The following MALRD1 variants were observed in gnomAD, a reference collection of about 807,000 sequenced individuals.
MALRD1 encodes MAM and LDL-receptor class A domain-containing protein 1.
In MALRD1, 247 loss-of-function variants were observed where a neutral mutation model predicts 242.1. That is an observed-to-expected ratio of 1.02 (90% CI 0.92 to 1.13). The LOEUF is 1.13. MALRD1 is among the 50% of genes most tolerant of loss of function. MALRD1 has a pLI of 0.00. For missense variants in MALRD1, 2,989 were observed against 2,533.1 expected, an observed-to-expected ratio of 1.18 and a Z score of -3.86; for synonymous variants, 995 against 866.6, an observed-to-expected ratio of 1.15 and a Z score of -2.60.
chr10:19,611,647 A>G (rs1410020443), intron 35 of MALRD1, among the ~76,000 whole-genome samples: 5 of 152,024 alleles, frequency 3.3e-5, no homozygotes, highest in Non-Finnish European at 5.9e-5. Context: ...TGGGAATTAT[A>G]TCTACTTATC....
intron 33 of MALRD1, among the ~76,000 whole-genome samples, chr10:19,570,502 T>A (rs1366697258): frequency 1.3e-5 from 2 of 152,080 alleles, no homozygotes; most frequent in Non-Finnish European, 2.9e-5. Context: ...TTTAGCACTA[T>A]TACTAATATC....
chr10:19,595,596 T>G, intron 34 of MALRD1, 139 bp downstream of exon 34: 1 of 1,064,016 alleles, frequency 9.4e-7, no homozygotes, highest in Admixed American at 2.9e-5. Context: ...CAGTGTTATG[T>G]TGCAAAACAA....
At chr10:19,585,271 A>G (rs1306093056) in intron 33 of MALRD1, among the ~76,000 whole-genome samples, 2 of 150,852 alleles carry the variant, frequency 1.3e-5, no homozygotes, top group East Asian at 3.9e-4. Flanking sequence ...TGTCATTATG[A>G]TGTTAGCTGG....
intron 24 of MALRD1, among the ~76,000 whole-genome samples, chr10:19,332,127 G>A (rs1016581150): frequency 6.6e-6 from 1 of 151,216 alleles, no homozygotes; most frequent in Non-Finnish European, 1.5e-5. Flanking sequence ...GCTGCCCAGA[G>A]TGCTGGGATT....
At chr10:19,652,161 C>T (rs7070398) in intron 36 of MALRD1, among the ~76,000 whole-genome samples, 16,771 of 152,146 alleles carry the variant, frequency 0.11, 2,380 homozygotes, top group African/African-American at 0.33. Context: ...GCCTGTGTCA[C>T]GTGCCAACAC....
At chr10:19,715,145 A>G (rs1270270924) in intron 38 of MALRD1, among the ~76,000 whole-genome samples, 1 of 152,072 alleles carries the variant, frequency 6.6e-6, no homozygotes, top group Non-Finnish European at 1.5e-5. Context: ...TTGCTACGAA[A>G]TTTATTGCTC....
At chr10:19,142,314 C>A (rs1325055230) in intron 10 of MALRD1, among the ~76,000 whole-genome samples, 4 of 151,486 alleles carry the variant, frequency 2.6e-5, no homozygotes, top group Non-Finnish European at 5.9e-5. Context: ...TAATGTAATC[C>A]TGTTAAAATC....
intron 1 of MALRD1, among the ~76,000 whole-genome samples, chr10:19,055,733 C>T (rs1834644055): frequency 6.6e-6 from 1 of 152,086 alleles, no homozygotes; most frequent in South Asian, 2.1e-4. Flanking sequence ...GGTTGATAGA[C>T]ACTTAATACA....
chr10:19,240,526 A>T (rs1838716231), intron 18 of MALRD1, among the ~76,000 whole-genome samples: 1 of 151,690 alleles, frequency 6.6e-6, no homozygotes, highest in Admixed American at 6.6e-5. Context: ...AAACAATCTG[A>T]CCTCCTTCTT....
intron 7 of MALRD1, among the ~76,000 whole-genome samples, chr10:19,125,648 T>G (rs1314080496): frequency 6.6e-6 from 1 of 151,700 alleles, no homozygotes; most frequent in Non-Finnish European, 1.5e-5. Context: ...TATTCTTAAT[T>G]TTTAGGGTAT....
chr10:19,096,578 G>C (rs1161166222), intron 4 of MALRD1, among the ~76,000 whole-genome samples: 1 of 152,064 alleles, frequency 6.6e-6, no homozygotes, highest in Non-Finnish European at 1.5e-5. Context: ...GCTTTTGTTT[G>C]GTGGGCCACA....
chr10:19,167,996 C>T (rs539392932), intron 13 of MALRD1, among the ~76,000 whole-genome samples: 21 of 152,192 alleles, frequency 1.4e-4, no homozygotes, highest in South Asian at 4.1e-4. Flanking sequence ...CACAGAATTC[C>T]GCTGTTTTTA....
intron 14 of MALRD1, among the ~76,000 whole-genome samples, chr10:19,198,605 C>T (rs1276602771): frequency 6.6e-6 from 1 of 152,136 alleles, no homozygotes; most frequent in African/African-American, 2.4e-5. Context: ...CAGTTAACGG[C>T]CCTGCTCATA....
chr10:19,627,449 A>T (rs1039587578), intron 36 of MALRD1, among the ~76,000 whole-genome samples: 2 of 152,022 alleles, frequency 1.3e-5, no homozygotes, highest in African/African-American at 4.8e-5. Context: ...CAAAAAAACA[A>T]TAACAGGGCC....
Position 19,607,814 on chromosome 10 carries a change from C to T in MALRD1, c.5982C>T (p.Ala1994=), listed in dbSNP as rs1838709967. 2.6e-6 allele frequency: 4 copies of T among 1,549,566 alleles called. No homozygotes were observed. Among genetic ancestry groups the T allele is most frequent in the Non-Finnish European group, 3.5e-6 (4 of 1,146,470 alleles). ...GTTCTAATGGAGCTCTGGTGTGTGC[C>T]TCCTCCAACAGCTGTATCCCAGCCC... The part of the protein sequence containing the change: ...KSCSNGALVC[A]SSNSCIPAHQ... Residue 1994 remains alanine (A), a synonymous_variant, in exon 35 of 40, where the codon GCC becomes GCT. Transcript: ENST00000454679.
At position 19,734,268 on chromosome 10, in the gene MALRD1, T is replaced by C. The variant is rs964517654; in HGVS notation, c.*31T>C. 6.6e-6 allele frequency: 10 copies of C among 1,504,714 alleles called. No individual in the cohort carries two copies. Among genetic ancestry groups the C allele is most frequent in the Non-Finnish European group, 8.0e-6 (9 of 1,119,710 alleles). The allele number at this position is 1,504,714 out of a possible 1,614,324, so 93.2% of individuals were successfully genotyped here. A position where few individuals can be genotyped will look rare whatever the true frequency, so the allele number is the denominator to read the frequency against. ...TCGAGACCAAGTCTGATCCAACATG[T>C]GTAGTTTCTAGAAAATTGAAGTCTC... On this transcript the variant is annotated 3_prime_UTR_variant, in exon 40 of 40. Transcript: ENST00000454679.
In MALRD1 at chr10:19,118,509, C is replaced by T. The variant is rs1449469947; in HGVS notation, c.695-4983C>T. 2.0e-5 allele frequency among the ~76,000 whole-genome samples: 3 copies of T among 152,072 alleles called. No homozygotes were observed. The East Asian group carries it at 5.8e-4, about 29-fold the overall frequency. ...ATTGGTTGAGTTATTATCTGAAGAC[C>T]TGGAATCAATAGAAAGTAATGTGTA... On this transcript the variant is annotated intron_variant, in intron 5 of 39. Coordinates refer to ENST00000454679, the MANE Select transcript of MALRD1 (RefSeq NM_001142308.3).
At chr10:19,549,263 C>G (rs1421840937) in intron 32 of MALRD1, among the ~76,000 whole-genome samples, 1 of 152,160 alleles carries the variant, frequency 6.6e-6, no homozygotes, top group African/African-American at 2.4e-5. Flanking sequence ...GCAGAAAGTG[C>G]TGACAGAGTG....
intron 32 of MALRD1, among the ~76,000 whole-genome samples, chr10:19,540,008 A>C (rs1349662055): frequency 1.3e-5 from 2 of 151,798 alleles, no homozygotes; most frequent in Non-Finnish European, 2.9e-5. Flanking sequence ...CTCCCATGCC[A>C]CATGCCCAGT....
Sources: allele counts gnomAD v4.1 joint callset (sites outside exome capture counted in the v4.1 genomes callset), GRCh38; gene constraint gnomAD v4.1.1; transcripts MANE v1.5; gene names NCBI Gene and HGNC (gene_info 2026-07-23, HGNC 2026-07-21).